Variants in DPP10 observed in about 807,000 individuals in gnomAD.
DPP10 encodes the protein dipeptidyl peptidase like 10.
In DPP10, 33 loss-of-function variants were observed where a neutral mutation model predicts 120.9. The observed-to-expected ratio is 0.27, with a 90% CI of 0.21 to 0.37. The LOEUF is 0.37. DPP10 is among the 10% of genes least tolerant of loss of function. The pLI, the probability that DPP10 is intolerant of heterozygous loss-of-function variation, is 1.00. For synonymous variants in DPP10, 337 were observed against 326.1 expected (o/e 1.03, Z -0.36); for missense variants, 816 against 942.8 (o/e 0.87, Z 1.76).
chr2:114,872,372 A>G (rs1690758801), intron 1 of DPP10, among the ~76,000 whole-genome samples: 1 of 152,134 alleles, frequency 6.6e-6, no homozygotes. Context: ...CACCCCCATG[A>G]TCGAAATCAC....
chr2:115,552,529 CT>C (rs1228312515), intron 5 of DPP10, among the ~76,000 whole-genome samples: 1 of 152,024 alleles, frequency 6.6e-6, no homozygotes, highest in African/African-American at 2.4e-5. Flanking sequence ...TTCATCTCCC[CT>C]TTTATCTTGG....
chr2:115,291,847 A>G (rs567145085), intron 1 of DPP10, among the ~76,000 whole-genome samples: 5 of 152,272 alleles, frequency 3.3e-5, no homozygotes, highest in Non-Finnish European at 5.9e-5. Flanking sequence ...GATCCATAGC[A>G]CTGTGCCACC....
chr2:115,546,178 C>G lies in DPP10; in HGVS notation c.441+20206C>G, dbSNP rs181271374. Among the ~76,000 whole-genome samples, 35 of 152,208 alleles carry G rather than the reference C, an allele frequency of 2.3e-4. No individual in the cohort carries two copies. The East Asian group carries it at 6.2e-3, about 27-fold the overall frequency. On this transcript the variant is annotated intron_variant, in intron 5 of 25. Transcript: ENST00000410059. ...TTCCATTCTCTCCCTTTCCAATTGG[C>G]CACTAAAACATCTATCAAAGGTAGA...
At chr2:115,183,641 A>G (rs2054231151) in intron 1 of DPP10, among the ~76,000 whole-genome samples, 1 of 152,224 alleles carries the variant, frequency 6.6e-6, no homozygotes, top group South Asian at 2.1e-4. Context: ...ATTGGTATTT[A>G]TAATATCTTC....
intron 1 of DPP10, among the ~76,000 whole-genome samples, chr2:114,714,148 G>A (rs887353161): frequency 9.2e-5 from 14 of 151,766 alleles, no homozygotes; most frequent in Non-Finnish European, 1.6e-4. Flanking sequence ...TGTGTGTTGG[G>A]GAAGGTTGAG....
At chr2:115,306,910 TAC>T (rs948546451) in intron 1 of DPP10, among the ~76,000 whole-genome samples, 3 of 152,130 alleles carry the variant, frequency 2.0e-5, no homozygotes, top group Non-Finnish European at 4.4e-5. Context: ...AGTATTGATG[TAC>T]AGTTATGTAT....
chr2:114,538,208 G>A (rs891879020), intron 1 of DPP10, among the ~76,000 whole-genome samples: 3 of 152,172 alleles, frequency 2.0e-5, no homozygotes, highest in Non-Finnish European at 4.4e-5. Flanking sequence ...TTCTTTGGAC[G>A]GTGTGTCTAC....
chr2:114,663,664 T>TAGAGAGAG (rs1374317856), intron 1 of DPP10, among the ~76,000 whole-genome samples: 73 of 95,418 alleles, frequency 7.7e-4, no homozygotes, highest in African/African-American at 2.0e-3. Context: ...TATATATATA[T>TAGAGAGAG]ATATAGAGAG....
chr2:115,699,385 T>C (rs2091781846), intron 7 of DPP10, among the ~76,000 whole-genome samples: 1 of 152,152 alleles, frequency 6.6e-6, no homozygotes, highest in Non-Finnish European at 1.5e-5. Flanking sequence ...GCGGATCACC[T>C]GAGGTCAGGA....
At chr2:114,670,631 GTAAC>G (rs769877430) in intron 1 of DPP10, among the ~76,000 whole-genome samples, 24 of 152,212 alleles carry the variant, frequency 1.6e-4, no homozygotes, top group Admixed American at 2.6e-4. Flanking sequence ...GTATACATAT[GTAAC>G]TAACCTGCAC....
chr2:115,641,256 G>C (rs1264157961), intron 5 of DPP10, among the ~76,000 whole-genome samples: 1 of 152,138 alleles, frequency 6.6e-6, no homozygotes, highest in Non-Finnish European at 1.5e-5. Context: ...AAGTTGTTCA[G>C]ATCCTGTCAT....
At chr2:115,448,772 A>G (rs2072849329) in intron 3 of DPP10, among the ~76,000 whole-genome samples, 1 of 152,174 alleles carries the variant, frequency 6.6e-6, no homozygotes, top group Non-Finnish European at 1.5e-5. Flanking sequence ...ATTCCATTTC[A>G]TTCAGGGCTC....
intron 1 of DPP10, among the ~76,000 whole-genome samples, chr2:114,599,456 T>G (rs1692191120): frequency 6.6e-6 from 1 of 151,862 alleles, no homozygotes; most frequent in African/African-American, 2.4e-5. Flanking sequence ...TTTTCTACTC[T>G]AGGTTTTTTG....
chr2:115,808,009 C>T (rs2150008042), intron 19 of DPP10, among the ~76,000 whole-genome samples: 1 of 152,154 alleles, frequency 6.6e-6, no homozygotes, highest in Non-Finnish European at 1.5e-5. Context: ...CAGAGGCACT[C>T]TGGATTTTAG....
chr2:114,990,326 A>G (rs967747069), intron 1 of DPP10, among the ~76,000 whole-genome samples: 1 of 152,168 alleles, frequency 6.6e-6, no homozygotes, highest in Non-Finnish European at 1.5e-5. Context: ...ATGGCATTCT[A>G]TTAAAATCCA....
intron 5 of DPP10, among the ~76,000 whole-genome samples, chr2:115,573,315 C>G (rs1208471076): frequency 8.1e-6 from 1 of 124,134 alleles, no homozygotes; most frequent in Non-Finnish European, 1.6e-5. Context: ...AGGAGTCTTG[C>G]TCTGTCGCCC....
chr2:114,740,274 G>A lies in DPP10; in HGVS notation c.60+297436G>A, dbSNP rs368721247. Reference sequence around the variant, plus strand: ...TTGTAAGGACAAAAAACCAAACACCGCATGTTCTCACTCACAGGTGGGAAT... The same window carrying A: ...TTGTAAGGACAAAAAACCAAACACCACATGTTCTCACTCACAGGTGGGAAT... On this transcript the variant is annotated intron_variant, in intron 1 of 25. Coordinates refer to ENST00000410059, the MANE Select transcript of DPP10 (RefSeq NM_020868.6). 8.1e-5 allele frequency among the ~76,000 whole-genome samples: 12 copies of A among 147,984 alleles called. No individual in the cohort carries two copies. The South Asian group carries it at 8.8e-4, about 11-fold the overall frequency.
intron 3 of DPP10, among the ~76,000 whole-genome samples, chr2:115,351,830 T>C (rs1310432250): frequency 2.0e-5 from 3 of 152,068 alleles, no homozygotes; most frequent in Non-Finnish European, 2.9e-5. Context: ...AAATTGTGCT[T>C]TTACCAAAGT....
chr2:115,088,096 C>T (rs1002432382), intron 1 of DPP10, among the ~76,000 whole-genome samples: 14 of 152,262 alleles, frequency 9.2e-5, no homozygotes, highest in South Asian at 2.1e-4. Flanking sequence ...TGTCCTCACA[C>T]GGTGGAAGGA....
Sources: gnomAD v4.1 joint callset for allele counts (sites outside exome capture counted in the v4.1 genomes callset) on GRCh38, gnomAD v4.1.1 for gene constraint, MANE v1.5 for transcripts, NCBI Gene and HGNC (gene_info 2026-07-23, HGNC 2026-07-21) for gene names.